Variants in CSMD1 observed in about 807,000 individuals in gnomAD.
CSMD1 encodes CUB and Sushi multiple domains 1.
CSMD1 carries 213 observed loss-of-function variants against 417.5 expected under a neutral mutation model. The observed-to-expected ratio is 0.51, with a 90% CI of 0.46 to 0.57. CSMD1 has a LOEUF of 0.57. Ranked by LOEUF, CSMD1 falls within the 20% of genes least tolerant of loss-of-function variation. The pLI is 0.00. For synonymous variants in CSMD1, 2,862 were observed against 1,736.8 expected (o/e 1.65, Z -16.11); for missense variants, 6,923 against 4,529.7 (o/e 1.53, Z -15.17).
chr8:4,613,286 G>C (rs1253203171), intron 2 of CSMD1, among the ~76,000 whole-genome samples: 1 of 152,296 alleles, frequency 6.6e-6, no homozygotes, highest in South Asian at 2.1e-4. Flanking sequence ...CGCCATCCAT[G>C]CTCCGAGTGC....
chr8:4,904,414 T>C lies in CSMD1; in HGVS notation c.85+89918A>G, dbSNP rs78414792. On this transcript the variant is annotated intron_variant, in intron 1 of 69. Coordinates refer to ENST00000635120, the MANE Select transcript of CSMD1 (RefSeq NM_033225.6). ...AGTAGTCAGGCAAAGAACAAACAAC[T>C]TATATCTCACAAATAAAACTAGCTA... Among the ~76,000 whole-genome samples, 82 of 152,304 alleles carry C rather than the reference T, an allele frequency of 5.4e-4. 2 individuals are homozygous for C. The East Asian group carries it at 0.013, about 24-fold the overall frequency.
In CSMD1 at chr8:3,977,414, T is replaced by G. The variant is rs535952492; in HGVS notation, c.818+20489A>C. Among the ~76,000 whole-genome samples the G allele has an allele frequency of 5.9e-5, 9 of 152,340 alleles. No individual in the cohort carries two copies. In the East Asian group the frequency reaches 1.7e-3, roughly 29 times the overall value. On this transcript the variant is annotated intron_variant, in intron 5 of 69. Coordinates refer to ENST00000635120, the MANE Select transcript of CSMD1 (RefSeq NM_033225.6). The stretch of plus-strand genomic sequence containing the variant: ...AAATTTCTAAAGGTTTTGTTTTTGT[T>G]GTTGTTCCTGTTTTTTCCATGTTCT...
At chr8:4,714,600 G>A (rs1399682033) in intron 1 of CSMD1, among the ~76,000 whole-genome samples, 3 of 151,250 alleles carry the variant, frequency 2.0e-5, no homozygotes, top group Non-Finnish European at 4.4e-5. Flanking sequence ...TAACACAGCT[G>A]AGATTCAAAT....
intron 3 of CSMD1, among the ~76,000 whole-genome samples, chr8:4,135,758 C>G (rs1803391035): frequency 6.6e-6 from 1 of 151,976 alleles, no homozygotes; most frequent in African/African-American, 2.4e-5. Flanking sequence ...GCTGTGTAAA[C>G]TAGAAAGAGA....
chr8:3,968,280 G>C (rs1812830095), intron 5 of CSMD1, among the ~76,000 whole-genome samples: 1 of 152,002 alleles, frequency 6.6e-6, no homozygotes, highest in Non-Finnish European at 1.5e-5. Flanking sequence ...GGTAGTATGA[G>C]TATTGCCTGG....
Position 2,955,711 on chromosome 8 carries a change from A to G in CSMD1, c.9872T>C (p.Leu3291Pro). The G allele has an allele frequency of 6.2e-7, 1 of 1,613,946 alleles. No individual in the cohort carries two copies. The highest frequency in any genetic ancestry group is 8.5e-7 in the Non-Finnish European group (1 of 1,179,826). Residue 3291 changes from leucine (L) to proline (P), a missense_variant, in exon 64 of 70, where the codon CTT becomes CCT. Coordinates refer to ENST00000635120, the MANE Select transcript of CSMD1 (RefSeq NM_033225.6). ...CACTAAGGTGTAGCCGAAAGTAGGAAGATCGATGGCTCTCACATCCGCGTG... is the reference window on the plus strand; with the variant it reads ...CACTAAGGTGTAGCCGAAAGTAGGAGGATCGATGGCTCTCACATCCGCGTG... ...PAHADVRAIDLPTFGYTLVYT... is the reference protein window; with the variant it reads ...PAHADVRAIDPPTFGYTLVYT...
intron 1 of CSMD1, among the ~76,000 whole-genome samples, chr8:4,719,676 G>A (rs1668515522): frequency 2.6e-5 from 4 of 152,238 alleles, no homozygotes; most frequent in South Asian, 2.1e-4. Context: ...TGTACTTCCA[G>A]ATGAAAGTAA....
intron 10 of CSMD1, among the ~76,000 whole-genome samples, chr8:3,574,055 A>G (rs1800047717): frequency 6.6e-6 from 1 of 152,150 alleles, no homozygotes; most frequent in Admixed American, 6.6e-5. Flanking sequence ...ATAATTGCAA[A>G]CTATGTATGC....
At chr8:4,492,576 G>A (rs529420467) in intron 2 of CSMD1, among the ~76,000 whole-genome samples, 10 of 152,194 alleles carry the variant, frequency 6.6e-5, no homozygotes, top group East Asian at 3.9e-4. Flanking sequence ...CAATATAATC[G>A]TTTTCAGTAA....
intron 50 of CSMD1, among the ~76,000 whole-genome samples, chr8:3,040,905 A>G (rs973718899): frequency 1.3e-5 from 2 of 152,220 alleles, no homozygotes; most frequent in African/African-American, 4.8e-5. Flanking sequence ...TAAAACATTT[A>G]ATGGAAATTG....
intron 1 of CSMD1, among the ~76,000 whole-genome samples, chr8:4,765,919 G>T (rs1812433433): frequency 6.6e-6 from 1 of 152,104 alleles, no homozygotes; most frequent in South Asian, 2.1e-4. Flanking sequence ...TGCCAAAAGG[G>T]TTTGAAGAAT....
chr8:3,617,104 C>T (rs941521734), intron 7 of CSMD1, among the ~76,000 whole-genome samples: 2 of 152,102 alleles, frequency 1.3e-5, no homozygotes, highest in Non-Finnish European at 2.9e-5. Context: ...TCACAATTAA[C>T]AGCATGATCA....
intron 10 of CSMD1, among the ~76,000 whole-genome samples, chr8:3,495,221 G>T (rs1260958486): frequency 6.6e-6 from 1 of 152,102 alleles, no homozygotes; most frequent in Non-Finnish European, 1.5e-5. Context: ...TGTTTCTCAT[G>T]AACCAATTTA....
rs547969371 is a variant in CSMD1, at chr8:4,015,439, C to T, written c.610+16466G>A. ...CAGTTCATATAGAATTGGCAAGTGA[C>T]ATATTGCCATTTCCAGTCACATTAC... On this transcript the variant is annotated intron_variant, in intron 4 of 69. Transcript: ENST00000635120. Among the ~76,000 whole-genome samples, 16 of 152,162 alleles carry T rather than the reference C, an allele frequency of 1.1e-4. 1 individual carries two copies. The South Asian group carries it at 3.3e-3, about 32-fold the overall frequency.
rs142379327 is a variant in CSMD1 at position 3,275,907 on chromosome 8, C to G, written c.4153+8237G>C. On this transcript the variant is annotated intron_variant, in intron 26 of 69. Transcript: ENST00000635120. ...CTGTAGCTCAGAGTAATTTGATTGT[C>G]TGAAGCCTTCTTCTCTCAGCTTGTC... Among the ~76,000 whole-genome samples, 899 of 152,260 alleles carry G rather than the reference C, an allele frequency of 5.9e-3. 8 individuals are homozygous for G. Among genetic ancestry groups the G allele is most frequent in the African/African-American group, 0.021 (869 of 41,556 alleles).
intron 11 of CSMD1, among the ~76,000 whole-genome samples, chr8:3,477,092 A>C (rs544113883): frequency 1.3e-5 from 2 of 152,344 alleles, no homozygotes; most frequent in East Asian, 1.9e-4. Context: ...GTACACACAG[A>C]AAGTTCTACT....
chr8:3,656,301 A>G (rs1660908900), intron 7 of CSMD1, among the ~76,000 whole-genome samples: 1 of 152,230 alleles, frequency 6.6e-6, no homozygotes, highest in African/African-American at 2.4e-5. Flanking sequence ...ATACTCTCTC[A>G]GAAGCTTAGG....
intron 5 of CSMD1, among the ~76,000 whole-genome samples, chr8:3,972,325 A>G (rs556970066): frequency 6.6e-6 from 1 of 152,324 alleles, no homozygotes; most frequent in Non-Finnish European, 1.5e-5. Context: ...CAGTTTTCCA[A>G]GATTGTCACT....
intron 5 of CSMD1, among the ~76,000 whole-genome samples, chr8:3,941,680 A>G (rs955363383): frequency 6.6e-6 from 1 of 152,200 alleles, no homozygotes; most frequent in African/African-American, 2.4e-5. Flanking sequence ...GAGTTTGACT[A>G]GAATGTAATG....
Sources: allele counts gnomAD v4.1 joint callset (sites outside exome capture counted in the v4.1 genomes callset), GRCh38; gene constraint gnomAD v4.1.1; transcripts MANE v1.5; gene names NCBI Gene and HGNC (gene_info 2026-07-23, HGNC 2026-07-21).